ADGRF1: variants seen among roughly 807,000 people sequenced by gnomAD.
ADGRF1 encodes adhesion G protein-coupled receptor F1.
A neutral mutation model predicts 87.2 loss-of-function variants in ADGRF1; 85 were observed. That is an observed-to-expected ratio of 0.97 (90% CI 0.82 to 1.17). ADGRF1 has a LOEUF of 1.17. Among genes scored for constraint, ADGRF1 ranks in the 50% most tolerant of loss-of-function variants. The pLI is 0.00. For missense variants in ADGRF1, 1,169 were observed against 1,077.2 expected (o/e 1.09, Z -1.19); for synonymous variants, 430 against 408.8 (o/e 1.05, Z -0.63).
At chr6:47,027,846 A>C in intron 2 of ADGRF1, 85 bp from the exon 3 acceptor site, 1 of 865,034 alleles carries the variant, frequency 1.2e-6, no homozygotes, top group Non-Finnish European at 1.9e-6. Flanking sequence ...AGATGAATTA[A>C]AATCATGAAT....
In ADGRF1 at chr6:47,038,698, G is replaced by A. The variant is rs577178608; in HGVS notation, c.-44+3493C>T. Among the ~76,000 whole-genome samples, 60 of 152,314 alleles carry A rather than the reference G, an allele frequency of 3.9e-4. 1 individual carries two copies. The highest frequency in any genetic ancestry group is 1.5e-4 in the Non-Finnish European group (10 of 68,026). On this transcript the variant is annotated intron_variant, in intron 1 of 14. Coordinates refer to ENST00000371253, the MANE Select transcript of ADGRF1 (RefSeq NM_153840.4). ...TAGAATTTATTCCCCCTGTCTAGCT[G>A]TAAGCTTGTTTAATGAGGCCCTTTT... is the stretch of plus-strand genomic sequence containing the variant.
rs372663484 is a variant in ADGRF1 at position 47,016,783 on chromosome 6, G to A, written c.612-15C>T. On this transcript the variant is annotated splice_polypyrimidine_tract_variant and intron_variant, in intron 7 of 14. Transcript: ENST00000371253. ...TGCTTCCATTTCTGCAGTGATTATGGGGAAAGAGAAATGAGATTCACTACT... is the reference window on the plus strand; with the variant it reads ...TGCTTCCATTTCTGCAGTGATTATGAGGAAAGAGAAATGAGATTCACTACT... The A allele has an allele frequency of 3.2e-6, 5 of 1,561,158 alleles. No individual in the cohort carries two copies. The highest frequency in any genetic ancestry group is 4.4e-6 in the Non-Finnish European group (5 of 1,144,558).
In ADGRF1 at chr6:47,009,040, G is replaced by A; in HGVS notation, c.2395C>T (p.Leu799=). 6.2e-7 allele frequency: 1 copy of A among 1,614,086 alleles called. No homozygotes were observed. Among genetic ancestry groups the A allele is most frequent in the Middle Eastern group, 1.7e-4 (1 of 6,058 alleles). ...CCAAAGCCCCAGGTGAGCCCTAGCA[G>A]AGGGGTCAGAATGAGGAGGCTCTTC... is the stretch of plus-strand genomic sequence containing the variant. The part of the protein sequence containing the change: ...VGKSLLILTP[L]LGLTWGFGIG... The change falls in exon 11 of 15, where the codon CTG becomes TTG. Residue 799 remains leucine, a synonymous_variant. Coordinates refer to ENST00000371253, the MANE Select transcript of ADGRF1 (RefSeq NM_153840.4).
chr6:47,037,507 T>C (rs924074209), intron 1 of ADGRF1, among the ~76,000 whole-genome samples: 5 of 152,186 alleles, frequency 3.3e-5, no homozygotes, highest in Non-Finnish European at 5.9e-5. Context: ...TTATTCATTT[T>C]TACTTTTGGT....
chr6:47,008,428 T>A (rs758384012), intron 11 of ADGRF1, among the ~76,000 whole-genome samples: 29 of 152,376 alleles, frequency 1.9e-4, no homozygotes, highest in Admixed American at 4.6e-4. Flanking sequence ...CGGTTTCTTT[T>A]GCAACTACTC....
At chr6:47,015,481 G>C (rs891985705) in intron 8 of ADGRF1, among the ~76,000 whole-genome samples, 5 of 151,838 alleles carry the variant, frequency 3.3e-5, no homozygotes, top group African/African-American at 1.2e-4. Context: ...TGCAATCTTT[G>C]CTCACTGCAA....
At chr6:47,013,639 G>C (rs1166175231) in intron 9 of ADGRF1, 2 of 985,234 alleles carry the variant, frequency 2.0e-6, no homozygotes, top group African/African-American at 3.5e-5. Flanking sequence ...TCCTAAGAGA[G>C]CATCATGTGG....
At chr6:47,036,200 A>T (rs1780584773) in intron 1 of ADGRF1, among the ~76,000 whole-genome samples, 2 of 152,264 alleles carry the variant, frequency 1.3e-5, no homozygotes, top group South Asian at 4.1e-4. Context: ...ACTGCACTCC[A>T]GCCTGGGAGA....
At chr6:47,000,346 G>C in intron 14 of ADGRF1, 51 bp from the exon 15 acceptor site, 4 of 1,344,076 alleles carry the variant, frequency 3.0e-6, no homozygotes, top group Non-Finnish European at 4.2e-6. Flanking sequence ...TTGAAATCAA[G>C]CATGAGACCA....
At chr6:47,018,244 T>C in intron 7 of ADGRF1, 1 of 522,628 alleles carries the variant, frequency 1.9e-6, no homozygotes, top group Non-Finnish European at 2.9e-6. Context: ...TTTGAAGACA[T>C]GAAAGCACAT....
chr6:47,031,463 CTGGGCATTGTGGGAA>C (rs1780430999), intron 1 of ADGRF1, among the ~76,000 whole-genome samples: 1 of 151,938 alleles, frequency 6.6e-6, no homozygotes, highest in Non-Finnish European at 1.5e-5. Flanking sequence ...GAGGACAGCT[CTGGGCATTGTGGGAA>C]AGCCTTCTCT....
chr6:47,013,112 A>G, intron 9 of ADGRF1: 1 of 985,338 alleles, frequency 1.0e-6, no homozygotes, highest in Non-Finnish European at 1.2e-6. Context: ...GCTCCCATCT[A>G]CTTTTACTAC....
chr6:47,025,553 C>A (rs73480748), intron 4 of ADGRF1, among the ~76,000 whole-genome samples: 1 of 152,094 alleles, frequency 6.6e-6, no homozygotes, highest in Non-Finnish European at 1.5e-5. Context: ...AGAGTTACTG[C>A]GGTCACTTCT....
intron 3 of ADGRF1, among the ~76,000 whole-genome samples, chr6:47,027,151 A>G (rs1180207710): frequency 2.6e-5 from 4 of 152,282 alleles, no homozygotes; most frequent in Admixed American, 6.5e-5. Flanking sequence ...TGTTATTTTT[A>G]CTGTCAGGGA....
At chr6:47,018,549 A>G in intron 7 of ADGRF1, 5 of 1,289,570 alleles carry the variant, frequency 3.9e-6, no homozygotes, top group Non-Finnish European at 5.1e-6. Context: ...TGATTTAGTG[A>G]AGTTAAACCA....
At chr6:47,030,216 C>T (rs910034104) in intron 1 of ADGRF1, among the ~76,000 whole-genome samples, 1 of 152,172 alleles carries the variant, frequency 6.6e-6, no homozygotes, top group Non-Finnish European at 1.5e-5. Flanking sequence ...TAGAGGTGGC[C>T]TATGTCTCAG....
chr6:47,021,211 C>A (rs1200446931), intron 6 of ADGRF1, among the ~76,000 whole-genome samples: 3 of 152,256 alleles, frequency 2.0e-5, no homozygotes, highest in Admixed American at 6.5e-5. Context: ...TACACCTGAG[C>A]CAGCATCCTA....
At chr6:47,019,263 C>T (rs1018678329) in intron 7 of ADGRF1, 4 of 948,738 alleles carry the variant, frequency 4.2e-6, no homozygotes, top group Non-Finnish European at 5.0e-6. Flanking sequence ...GTATGATCAA[C>T]TGTATAAACC....
chr6:47,018,057 T>C (rs1168270274), intron 7 of ADGRF1: 2 of 194,000 alleles, frequency 1.0e-5, no homozygotes, highest in Admixed American at 1.1e-4. Flanking sequence ...GAAAAATAAG[T>C]TATAGGTTAG....
Sources: gnomAD v4.1 joint callset for allele counts (sites outside exome capture counted in the v4.1 genomes callset) on GRCh38, gnomAD v4.1.1 for gene constraint, MANE v1.5 for transcripts, NCBI Gene and HGNC (gene_info 2026-07-23, HGNC 2026-07-21) for gene names.